CFB: variants seen among roughly 807,000 people sequenced by gnomAD.
CFB encodes B-factor, properdin.
CFB carries 59 observed loss-of-function variants against 97.2 expected under a neutral mutation model. That is an observed-to-expected ratio of 0.61 (90% CI 0.49 to 0.75). The LOEUF (loss-of-function observed/expected upper bound fraction) is 0.75. Ranked by LOEUF, CFB falls within the 30% of genes least tolerant of loss-of-function variation. CFB has a pLI of 0.00. For missense variants in CFB, 771 were observed against 959.8 expected (o/e 0.80, Z 2.60); for synonymous variants, 316 against 351.7 (o/e 0.90, Z 1.14).
In CFB at chr6:31,948,639, C is replaced by T. The variant is rs756382761; in HGVS notation, c.1036+127C>T. ...GTAGTCAAAAGTTGAACAGCAGGAT[C>T]GTTGGGCAATGGAGGTTAGTGGGAA... is the stretch of plus-strand genomic sequence containing the variant. On this transcript the variant is annotated intron_variant, in intron 7 of 17. Coordinates refer to ENST00000425368, the MANE Select transcript of CFB (RefSeq NM_001710.6). 11 of 1,523,614 alleles carry T rather than the reference C, an allele frequency of 7.2e-6. No individual in the cohort carries two copies. In the African/African-American group the frequency reaches 8.2e-5, roughly 11 times the overall value. 94.4% of individuals were successfully genotyped at this position (1,523,614 alleles called of 1,614,324 possible).
Position 31,947,278 on chromosome 6 carries a change from C to T in CFB, c.485-70C>T. 3 of 1,611,482 alleles carry T rather than the reference C, an allele frequency of 1.9e-6. No homozygotes were observed. The highest frequency in any genetic ancestry group is 4.5e-5 in the East Asian group (2 of 44,874). ...GGGCACTCGGCTCCGGACACTGTAA[C>T]TCTTGCTCTCTACCTTGCTCACGGG... On this transcript the variant is annotated intron_variant, in intron 3 of 17. Transcript: ENST00000425368. This position sits in a 1 kb window ranked among gnomAD's most constrained non-coding sequence, Gnocchi z 5.3.
rs1191118259 is a variant in CFB at position 31,947,446 on chromosome 6, C to T, written c.583C>T (p.Leu195Phe). The change falls in exon 4 of 18, where the codon CTT (leucine) becomes TTT (phenylalanine). Residue 195 changes from leucine (L) to phenylalanine (F), a missense_variant. Leu to Phe is a conservative substitution (Grantham distance 22, BLOSUM62 0). Coordinates refer to ENST00000425368, the MANE Select transcript of CFB (RefSeq NM_001710.6). The surrounding 1 kb of genome is among the most constrained non-coding windows in gnomAD (Gnocchi z 5.3). Reference sequence around the variant, plus strand: ...CGTCACCTACCACTGCAGCCGGGGGCTTACCCTGCGTGGCTCCCAGCGGCG... The same window carrying T: ...CGTCACCTACCACTGCAGCCGGGGGTTTACCCTGCGTGGCTCCCAGCGGCG... Reference protein sequence around the residue: ...DSVTYHCSRGLTLRGSQRRTC... With the variant: ...DSVTYHCSRGFTLRGSQRRTC... 3 of 1,613,008 alleles carry T rather than the reference C, an allele frequency of 1.9e-6. No homozygotes were observed.
Position 31,947,538 on chromosome 6 carries a change from A to AC in CFB, c.658+22dup, listed in dbSNP as rs777346310. 5 of 1,612,078 alleles carry AC rather than the reference A, an allele frequency of 3.1e-6. No homozygotes were observed. Among genetic ancestry groups the AC allele is most frequent in the Non-Finnish European group, 4.2e-6 (5 of 1,179,676 alleles). On this transcript the variant is annotated intron_variant, in intron 4 of 17. Coordinates refer to ENST00000425368, the MANE Select transcript of CFB (RefSeq NM_001710.6). The surrounding 1 kb of genome is among the most constrained non-coding windows in gnomAD (Gnocchi z 5.3). ...CCTGCCAAGGTGACCTTTGACCTGTACCCCCAGGTCAGATCCTGGTCTTCC... is the reference window on the plus strand; with the variant it reads ...CCTGCCAAGGTGACCTTTGACCTGTACCCCCCAGGTCAGATCCTGGTCTTCC...
chr6:31,946,720 G>A lies in CFB; in HGVS notation c.298+114G>A. 2 of 1,061,188 alleles carry A rather than the reference G, an allele frequency of 1.9e-6. No individual in the cohort carries two copies. The highest frequency in any genetic ancestry group is 2.8e-6 in the Non-Finnish European group (2 of 711,598). 65.7% of individuals were successfully genotyped at this position (1,061,188 alleles called of 1,614,324 possible). A position where few individuals can be genotyped will look rare whatever the true frequency, so the allele number is the denominator to read the frequency against. On this transcript the variant is annotated intron_variant, in intron 2 of 17. Transcript: ENST00000425368. This position sits in a 1 kb window ranked among gnomAD's most constrained non-coding sequence, Gnocchi z 6.4. Reference sequence around the variant, plus strand: ...TGACAAGGTGGGCTGACCGGGAGTAGGAGCAGTTTTAGGGTGGCAGGCGGA... The same window carrying A: ...TGACAAGGTGGGCTGACCGGGAGTAAGAGCAGTTTTAGGGTGGCAGGCGGA...
rs749641161 is a variant in CFB at position 31,951,861 on chromosome 6, C to T, written c.2140-14C>T. 34 of 1,613,100 alleles carry T rather than the reference C, an allele frequency of 2.1e-5. No individual in the cohort carries two copies. Among genetic ancestry groups the T allele is most frequent in the Non-Finnish European group, 2.8e-5 (33 of 1,180,058 alleles). On this transcript the variant is annotated splice_polypyrimidine_tract_variant and intron_variant, in intron 17 of 17. Transcript: ENST00000425368. The surrounding 1 kb of genome is among the most constrained non-coding windows in gnomAD (Gnocchi z 4.3). Reference sequence around the variant, plus strand: ...TTCTACTGAATGATCCATGGCACCCCACTGCCTCTGCAGGTTGGTGTAATC... The same window carrying T: ...TTCTACTGAATGATCCATGGCACCCTACTGCCTCTGCAGGTTGGTGTAATC...
At position 31,948,198 on chromosome 6, in the gene CFB, C is replaced by G. The variant is rs541251474; in HGVS notation, c.897+117C>G. On this transcript the variant is annotated intron_variant, in intron 6 of 17. Coordinates refer to ENST00000425368, the MANE Select transcript of CFB (RefSeq NM_001710.6). ...AGGGCCCCAGGAAAATCTCCAGGTC[C>G]TATTCTGTCCTCCTTCCCTTTTACT... 1.3e-5 allele frequency: 19 copies of G among 1,501,754 alleles called. No homozygotes were observed. In the East Asian group the frequency reaches 4.0e-4, roughly 32 times the overall value. 93.0% of individuals were successfully genotyped at this position (1,501,754 alleles called of 1,614,324 possible).
In CFB at chr6:31,951,636, C is replaced by A; in HGVS notation, c.2139+32C>A. ...CCTCCCTTTCCTATCTGGGGAGATGCCAAGTGGTCAGCATGGGCCCCAAAG... is the reference window on the plus strand; with the variant it reads ...CCTCCCTTTCCTATCTGGGGAGATGACAAGTGGTCAGCATGGGCCCCAAAG... On this transcript the variant is annotated intron_variant, in intron 17 of 17. Coordinates refer to ENST00000425368, the MANE Select transcript of CFB (RefSeq NM_001710.6). The surrounding 1 kb of genome is among the most constrained non-coding windows in gnomAD (Gnocchi z 4.3). 6.2e-7 allele frequency: 1 copy of A among 1,613,902 alleles called. No individual in the cohort carries two copies.
chr6:31,946,311 T>C lies in CFB; in HGVS notation c.64+26T>C, dbSNP rs1395025050. The C allele has an allele frequency of 3.1e-6, 5 of 1,612,972 alleles. No homozygotes were observed. The African/African-American group carries it at 6.7e-5, about 22-fold the overall frequency. ...GTAAGCGAGGGTAACCTTCCCTTCC[T>C]GCTGTCTCCAGCATCCCTCCTTGGC... On this transcript the variant is annotated intron_variant, in intron 1 of 17. Transcript: ENST00000425368. The surrounding 1 kb of genome is among the most constrained non-coding windows in gnomAD (Gnocchi z 6.4).
At position 31,946,218 on chromosome 6, in the gene CFB, C is replaced by A. The variant is rs781135926; in HGVS notation, c.-4C>A. The A allele has an allele frequency of 3.1e-6, 5 of 1,613,118 alleles. No individual in the cohort carries two copies. Among genetic ancestry groups the A allele is most frequent in the Non-Finnish European group, 4.2e-6 (5 of 1,180,016 alleles). On this transcript the variant is annotated 5_prime_UTR_variant, in exon 1 of 18. Transcript: ENST00000425368. The surrounding 1 kb of genome is among the most constrained non-coding windows in gnomAD (Gnocchi z 6.4). Reference sequence around the variant, plus strand: ...GCCCAGCTTCTCTCCTGCCTTCCAACGCCATGGGGAGCAATCTCAGCCCCC... The same window carrying A: ...GCCCAGCTTCTCTCCTGCCTTCCAAAGCCATGGGGAGCAATCTCAGCCCCC...
In CFB at chr6:31,950,787, A is replaced by C; in HGVS notation, c.1778+15A>C. 1 of 1,613,078 alleles carries C rather than the reference A, an allele frequency of 6.2e-7. No homozygotes were observed. Reference sequence around the variant, plus strand: ...CAGACTATCAGGTGAGAGCGTCCAGATCCCTGAGGAAAGGCTGGGAAAGGC... The same window carrying C: ...CAGACTATCAGGTGAGAGCGTCCAGCTCCCTGAGGAAAGGCTGGGAAAGGC... On this transcript the variant is annotated intron_variant, in intron 13 of 17. Coordinates refer to ENST00000425368, the MANE Select transcript of CFB (RefSeq NM_001710.6).
chr6:31,948,763 T>C (rs966396671), intron 7 of CFB, 67 bp from the exon 8 acceptor site: 15 of 1,611,140 alleles, frequency 9.3e-6, no homozygotes, highest in Admixed American at 8.3e-5. Context: ...CAGTTGCAGA[T>C]TGGTCTCTGG....
In CFB at chr6:31,947,211, C is replaced by A. The variant is rs922396316; in HGVS notation, c.484+19C>A. ...AACGGAGGTGAGAAGCATCCCCTCC[C>A]CCTACATTGCTGTCTCCCTGACGGC... On this transcript the variant is annotated intron_variant, in intron 3 of 17. Transcript: ENST00000425368. The surrounding 1 kb of genome is among the most constrained non-coding windows in gnomAD (Gnocchi z 5.3). 6.2e-7 allele frequency: 1 copy of A among 1,612,484 alleles called. No homozygotes were observed. The highest frequency in any genetic ancestry group is 8.5e-7 in the Non-Finnish European group (1 of 1,179,914).
In CFB at chr6:31,948,824, C is replaced by T; in HGVS notation, c.1037-6C>T. ...GGTGAGGTGATGGTCTCTTCCCTCT[C>T]CACAGACCACAAGTTGAAGTCAGGG... On this transcript the variant is annotated splice_region_variant and splice_polypyrimidine_tract_variant and intron_variant, in intron 7 of 17. Transcript: ENST00000425368. 6.2e-7 allele frequency: 1 copy of T among 1,613,014 alleles called. No homozygotes were observed. Among genetic ancestry groups the T allele is most frequent in the South Asian group, 1.1e-5 (1 of 91,076 alleles).
chr6:31,951,979 G>A lies in CFB; in HGVS notation c.2244G>A (p.Val748=). ...ACTTTCACATCAACCTCTTTCAAGT[G>A]CTGCCCTGGCTGAAGGAGAAACTCC... ...ARDFHINLFQ[V]LPWLKEKLQD... Residue 748 remains valine (V), a synonymous_variant, in exon 18 of 18, where the codon GTG becomes GTA. Transcript: ENST00000425368. The surrounding 1 kb of genome is among the most constrained non-coding windows in gnomAD (Gnocchi z 4.3). 1 of 1,613,082 alleles carries A rather than the reference G, an allele frequency of 6.2e-7. No homozygotes were observed. Among genetic ancestry groups the A allele is most frequent in the Non-Finnish European group, 8.5e-7 (1 of 1,180,042 alleles).
chr6:31,950,585 CCA>C, intron 12 of CFB, 32 bp from the exon 13 acceptor site: 1 of 1,612,650 alleles, frequency 6.2e-7, no homozygotes, highest in Non-Finnish European at 8.5e-7. Flanking sequence ...AGGAAGCTGC[CCA>C]CAAAGAGGTG....
rs186794325 is a variant in CFB, at chr6:31,946,512, G to C, written c.204G>C (p.Pro68=). ...LEYVCPSGFY[P]YPVQTRTCRS... Reference sequence around the variant, plus strand: ...ACGTGTGTCCTTCTGGCTTCTACCCGTACCCTGTGCAGACACGTACCTGCA... The same window carrying C: ...ACGTGTGTCCTTCTGGCTTCTACCCCTACCCTGTGCAGACACGTACCTGCA... Residue 68 remains proline, a synonymous_variant, in exon 2 of 18, where the codon CCG becomes CCC. Coordinates refer to ENST00000425368, the MANE Select transcript of CFB (RefSeq NM_001710.6). The surrounding 1 kb of genome is among the most constrained non-coding windows in gnomAD (Gnocchi z 6.4). 6.2e-7 allele frequency: 1 copy of C among 1,613,024 alleles called. No homozygotes were observed.
rs1771777115 is a variant in CFB at position 31,951,676 on chromosome 6, G to A, written c.2139+72G>A. Reference sequence around the variant, plus strand: ...GGGCCCCAAAGCAGGAAAGCTCAATGCATGTGGCTAGTAATTCGAGGTAGG... The same window carrying A: ...GGGCCCCAAAGCAGGAAAGCTCAATACATGTGGCTAGTAATTCGAGGTAGG... On this transcript the variant is annotated intron_variant, in intron 17 of 17. Transcript: ENST00000425368. The surrounding 1 kb of genome is among the most constrained non-coding windows in gnomAD (Gnocchi z 4.3). 2 of 1,599,826 alleles carry A rather than the reference G, an allele frequency of 1.3e-6. No individual in the cohort carries two copies. The highest frequency in any genetic ancestry group is 1.7e-6 in the Non-Finnish European group (2 of 1,166,972).
In CFB at chr6:31,948,843, G is replaced by A. The variant is rs576750315; in HGVS notation, c.1050G>A (p.Lys350=). ...CCCTCTCCACAGACCACAAGTTGAA[G>A]TCAGGGACTAACACCAAGAAGGCCC... The part of the protein sequence containing the change: ...NEINYEDHKL[K]SGTNTKKALQ... Residue 350 remains lysine, a synonymous_variant, in exon 8 of 18, where the codon AAG becomes AAA. Coordinates refer to ENST00000425368, the MANE Select transcript of CFB (RefSeq NM_001710.6). 1.9e-6 allele frequency: 3 copies of A among 1,613,056 alleles called. No individual in the cohort carries two copies. The highest frequency in any genetic ancestry group is 3.3e-5 in the Admixed American group (2 of 60,024).
In CFB at chr6:31,951,160, T is replaced by C; in HGVS notation, c.1872T>C (p.Pro624=). The change falls in exon 15 of 18, where the codon CCT becomes CCC. Residue 624 remains proline (P), a synonymous_variant. Transcript: ENST00000425368. The surrounding 1 kb of genome is among the most constrained non-coding windows in gnomAD (Gnocchi z 4.3). The stretch of plus-strand genomic sequence containing the variant: ...TTCGTCCAGAGGAAGAGCTGCTCCC[T>C]GCACAGGATATCAAAGCTCTGTTTG... The part of the protein sequence containing the change: ...TCQQQKEELL[P]AQDIKALFVS... 1 of 1,613,018 alleles carries C rather than the reference T, an allele frequency of 6.2e-7. No individual in the cohort carries two copies.
Sources: gnomAD v4.1 joint callset for allele counts on GRCh38, gnomAD v4.1.1 for gene constraint, Gnocchi (gnomAD v3.1) non-coding constraint, MANE v1.5 for transcripts, NCBI Gene and HGNC (gene_info 2026-07-23, HGNC 2026-07-21) for gene names.